Variants in BIVM observed in about 807,000 individuals in gnomAD.
BIVM encodes basic, immunoglobulin-like variable motif containing.
Under a neutral mutation model 61.4 loss-of-function variants are expected in BIVM, and 31 were observed. The ratio of observed to expected loss-of-function variants is 0.51; its 90% CI spans 0.38 to 0.68. The LOEUF is 0.68. Ranked by LOEUF, BIVM falls within the 30% of genes least tolerant of loss-of-function variation. The pLI, the probability that BIVM is intolerant of heterozygous loss-of-function variation, is 0.00. For synonymous variants in BIVM, 189 were observed against 210.7 expected, an observed-to-expected ratio of 0.90 and a Z score of 0.89; for missense variants, 526 against 596.0, an observed-to-expected ratio of 0.88 and a Z score of 1.22.
At chr13:102,816,321 A>G (rs1374253605) in intron 3 of BIVM, 107 bp from the exon 4 acceptor site, 1 of 1,111,258 alleles carries the variant, frequency 9.0e-7, no homozygotes, top group Admixed American at 3.9e-5. Flanking sequence ...CTTTCTCAGC[A>G]GAATTATTAA....
rs1451355709 is a variant in BIVM at position 102,807,260 on chromosome 13, T to C, written c.-8T>C. 6.3e-7 allele frequency: 1 copy of C among 1,587,594 alleles called. No individual in the cohort carries two copies. The highest frequency in any genetic ancestry group is 2.3e-5 in the East Asian group (1 of 44,440). On this transcript the variant is annotated 5_prime_UTR_variant, in exon 3 of 11. Coordinates refer to ENST00000257336, the MANE Select transcript of BIVM (RefSeq NM_017693.4). The surrounding 1 kb of genome is among the most constrained non-coding windows in gnomAD (Gnocchi z 4.0). ...TTTCTAGTAATAGAAACTTTTACAC[T>C]GCATTCAATGCCTAACGTTGCAGAA...
chr13:102,807,673 A>G lies in BIVM; in HGVS notation c.406A>G (p.Lys136Glu). Residue 136 changes from lysine to glutamate, a missense_variant, in exon 3 of 11, where the codon AAG becomes GAG. Lys to Glu is a moderately conservative substitution (Grantham distance 56). Around this residue, in one of 3 missense-constraint regions of BIVM, gnomAD observed 312 missense variants for 343.8 expected, o/e 0.91. Coordinates refer to ENST00000257336, the MANE Select transcript of BIVM (RefSeq NM_017693.4). The surrounding 1 kb of genome is among the most constrained non-coding windows in gnomAD (Gnocchi z 4.0). ...SLENLSNSLG[K>E]LPLAWEIDKS... is the part of the protein sequence containing the mutation. ...GGAAAACTTATCCAACAGCCTGGGCAAGCTACCTCTCGCATGGGAAATTGA... is the reference window on the plus strand; with the variant it reads ...GGAAAACTTATCCAACAGCCTGGGCGAGCTACCTCTCGCATGGGAAATTGA... 6.2e-7 allele frequency: 1 copy of G among 1,614,162 alleles called. No homozygotes were observed. The highest frequency in any genetic ancestry group is 8.5e-7 in the Non-Finnish European group (1 of 1,180,034).
chr13:102,832,412 G>A (rs1881154633), intron 8 of BIVM, among the ~76,000 whole-genome samples: 1 of 152,014 alleles, frequency 6.6e-6, no homozygotes, highest in East Asian at 1.9e-4. Context: ...ATGTTGTGCA[G>A]GCTGGTCTCA....
Position 102,807,194 on chromosome 13 carries a change from G to A in BIVM, c.-74G>A, listed in dbSNP as rs1879162998. ...CTTTTATAGCATGCTGTAAACAATT[G>A]TCAAAGTTGTTTATCAAGAAACAGA... is the stretch of plus-strand genomic sequence containing the variant. On this transcript the variant is annotated 5_prime_UTR_variant, in exon 3 of 11. Coordinates refer to ENST00000257336, the MANE Select transcript of BIVM (RefSeq NM_017693.4). The surrounding 1 kb of genome is among the most constrained non-coding windows in gnomAD (Gnocchi z 4.0). 2 of 1,459,484 alleles carry A rather than the reference G, an allele frequency of 1.4e-6. No individual in the cohort carries two copies. The highest frequency in any genetic ancestry group is 2.8e-5 in the African/African-American group (2 of 70,740). 90.4% of individuals were successfully genotyped at this position (1,459,484 alleles called of 1,614,324 possible). A position where few individuals can be genotyped will look rare whatever the true frequency, so the allele number is the denominator to read the frequency against.
At chr13:102,813,067 C>T (rs775176828) in intron 3 of BIVM, among the ~76,000 whole-genome samples, 21 of 152,318 alleles carry the variant, frequency 1.4e-4, no homozygotes, top group Non-Finnish European at 2.1e-4. Flanking sequence ...AGGACTTCCT[C>T]TGAAAGTTGC....
At chr13:102,816,687 C>A in intron 4 of BIVM, 133 bp downstream of exon 4, 1 of 887,272 alleles carries the variant, frequency 1.1e-6, no homozygotes, top group Non-Finnish European at 1.5e-6. Flanking sequence ...ACCAGGATTT[C>A]TGAATATTTA....
chr13:102,812,482 C>T (rs1284005377), intron 3 of BIVM, among the ~76,000 whole-genome samples: 3 of 152,058 alleles, frequency 2.0e-5, no homozygotes, highest in African/African-American at 4.8e-5. Flanking sequence ...AATGCAGTAA[C>T]TCTGGAAATC....
rs111803288 is a variant in BIVM at position 102,836,909 on chromosome 13, G to A, written c.1122-1734G>A. Among the ~76,000 whole-genome samples, 377 of 152,204 alleles carry A rather than the reference G, an allele frequency of 2.5e-3. 1 individual carries two copies. The highest frequency in any genetic ancestry group is 8.4e-3 in the African/African-American group (350 of 41,510). On this transcript the variant is annotated intron_variant, in intron 9 of 10. Transcript: ENST00000257336. ...CTTAAAGATTGTTTTGGCTCTTCTA[G>A]GACCTTGGCTTTTCCATAAAAATTT...
chr13:102,808,585 C>CT (rs1879266600), intron 3 of BIVM, among the ~76,000 whole-genome samples: 1 of 151,874 alleles, frequency 6.6e-6, no homozygotes, highest in Admixed American at 6.6e-5. Flanking sequence ...GGGGATTTTG[C>CT]TTTTTTTGTC....
At chr13:102,834,625 G>A in intron 9 of BIVM, 73 bp downstream of exon 9, 1 of 1,386,852 alleles carries the variant, frequency 7.2e-7, no homozygotes, top group Non-Finnish European at 9.6e-7. Flanking sequence ...GATCTTAGTT[G>A]TATATAATTA....
At chr13:102,799,944 C>A (rs1315945965) in intron 1 of BIVM, among the ~76,000 whole-genome samples, 1 of 152,154 alleles carries the variant, frequency 6.6e-6, no homozygotes, top group African/African-American at 2.4e-5. Context: ...GCGGCCGTCG[C>A]CTTCCCCTGC....
intron 3 of BIVM, among the ~76,000 whole-genome samples, chr13:102,809,838 T>G (rs61966023): frequency 4.6e-3 from 689 of 150,178 alleles, no homozygotes; most frequent in Middle Eastern, 0.021. Context: ...CAGGCTGGAG[T>G]GCAGTGGCGC....
chr13:102,831,505 T>C, intron 7 of BIVM, 60 bp from the exon 8 acceptor site: 2 of 1,605,058 alleles, frequency 1.2e-6, no homozygotes, highest in Non-Finnish European at 1.7e-6. Flanking sequence ...CGGTCCTTTG[T>C]GTAAAGCATG....
chr13:102,821,362 G>A (rs1452489015), intron 5 of BIVM, among the ~76,000 whole-genome samples: 1 of 152,168 alleles, frequency 6.6e-6, no homozygotes, highest in Non-Finnish European at 1.5e-5. Context: ...GGAAGGCCAA[G>A]GCGGGAGTAT....
At chr13:102,826,510 G>C (rs978540802) in intron 7 of BIVM, among the ~76,000 whole-genome samples, 2 of 152,182 alleles carry the variant, frequency 1.3e-5, no homozygotes, top group East Asian at 3.8e-4. Flanking sequence ...CTGATTCATA[G>C]GGTGGCTTTA....
Position 102,807,798 on chromosome 13 carries a change from T to C in BIVM, c.478+53T>C. On this transcript the variant is annotated intron_variant, in intron 3 of 10. Coordinates refer to ENST00000257336, the MANE Select transcript of BIVM (RefSeq NM_017693.4). The surrounding 1 kb of genome is among the most constrained non-coding windows in gnomAD (Gnocchi z 4.0). ...GTGAAAATAATGAGAAAACAAACAC[T>C]ATGTCTTGTTTAATCTTGCCATTAC... is the stretch of plus-strand genomic sequence containing the variant. 2.6e-6 allele frequency: 4 copies of C among 1,512,516 alleles called. No individual in the cohort carries two copies. Among genetic ancestry groups the C allele is most frequent in the Non-Finnish European group, 2.7e-6 (3 of 1,124,010 alleles). The allele number at this position is 1,512,516 out of a possible 1,614,324, so 93.7% of individuals were successfully genotyped here. A position where few individuals can be genotyped will look rare whatever the true frequency, so the allele number is the denominator to read the frequency against.
intron 8 of BIVM, 122 bp from the exon 9 acceptor site, chr13:102,834,344 G>C: frequency 1.0e-6 from 1 of 964,420 alleles, no homozygotes; most frequent in South Asian, 1.9e-5. Context: ...TCTAATGTCT[G>C]TTCTTGATGA....
intron 1 of BIVM, chr13:102,801,527 A>C (rs1370971811): frequency 6.6e-6 from 1 of 152,144 alleles, no homozygotes; most frequent in Non-Finnish European, 1.5e-5. Context: ...TGCTGGGATT[A>C]CAGGTGTGAG....
At chr13:102,820,234 C>T (rs1292315301) in intron 4 of BIVM, among the ~76,000 whole-genome samples, 2 of 151,860 alleles carry the variant, frequency 1.3e-5, no homozygotes, top group Non-Finnish European at 2.9e-5. Context: ...CGCCTGTCGT[C>T]CCAGCTACTC....
Sources: gnomAD v4.1 joint callset for allele counts (sites outside exome capture counted in the v4.1 genomes callset) on GRCh38, gnomAD v4.1.1 for gene constraint, gnomAD v4.1.1 regional missense constraint, Gnocchi (gnomAD v3.1) non-coding constraint, MANE v1.5 for transcripts, NCBI Gene and HGNC (gene_info 2026-07-23, HGNC 2026-07-21) for gene names.